Variants in NWD2 observed in about 807,000 individuals in gnomAD.
NWD2 encodes the protein NACHT and WD repeat domain-containing protein 2.
In NWD2, 37 loss-of-function variants were observed where a neutral mutation model predicts 132.7. The ratio of observed to expected loss-of-function variants is 0.28; its 90% CI spans 0.21 to 0.37. NWD2 has a LOEUF of 0.37. NWD2 is among the 10% of genes least tolerant of loss of function. The probability of loss-of-function intolerance (pLI) is 1.00; values close to 1 mark genes in which losing one functional copy is unlikely to be tolerated. For synonymous variants in NWD2, 705 were observed against 803.0 expected, an observed-to-expected ratio of 0.88 and a Z score of 2.06; for missense variants, 1,592 against 2,122.4, an observed-to-expected ratio of 0.75 and a Z score of 4.91.
At chr4:37,371,384 A>G (rs1232187392) in intron 3 of NWD2, among the ~76,000 whole-genome samples, 1 of 152,048 alleles carries the variant, frequency 6.6e-6, no homozygotes, top group Non-Finnish European at 1.5e-5. Flanking sequence ...CCAGAAGTTC[A>G]ATATGTTAAG....
Position 37,444,158 on chromosome 4 carries a change from G to A in NWD2, c.2170G>A (p.Val724Met), listed in dbSNP as rs1414192157. Residue 724 changes from valine (V) to methionine (M), a missense_variant, in exon 7 of 7, where the codon GTG (valine) becomes ATG (methionine). Physicochemically the swap from Val to Met is conservative, Grantham distance 21. This residue lies in a region of NWD2 where 1,071 missense variants were observed against 1,398.0 expected (regional missense o/e 0.77). Coordinates refer to ENST00000309447, the MANE Select transcript of NWD2 (RefSeq NM_001144990.2). The surrounding 1 kb of genome is among the most constrained non-coding windows in gnomAD (Gnocchi z 4.8). ...GLSGYLIERH[V>M]KNVTLLVWAN... ...CAGTGGATACCTAATAGAAAGACAT[G>A]TGAAAAATGTCACACTCCTAGTCTG... 3 of 1,551,608 alleles carry A rather than the reference G, an allele frequency of 1.9e-6. No individual in the cohort carries two copies. The highest frequency in any genetic ancestry group is 2.6e-6 in the Non-Finnish European group (3 of 1,146,994).
At chr4:37,322,322 T>A (rs1327387357) in intron 1 of NWD2, among the ~76,000 whole-genome samples, 1 of 152,162 alleles carries the variant, frequency 6.6e-6, no homozygotes, top group African/African-American at 2.4e-5. Flanking sequence ...CAGTGACTTC[T>A]GTAGATGGAG....
intron 3 of NWD2, among the ~76,000 whole-genome samples, chr4:37,357,838 A>C (rs2109301204): frequency 6.6e-6 from 1 of 152,206 alleles, no homozygotes; most frequent in East Asian, 1.9e-4. Flanking sequence ...AAACAGTCAG[A>C]GGAGGCCTCA....
chr4:37,397,124 A>T (rs184541341), intron 3 of NWD2, among the ~76,000 whole-genome samples: 27 of 152,074 alleles, frequency 1.8e-4, no homozygotes, highest in African/African-American at 4.8e-4. Flanking sequence ...GGAGTTGGTG[A>T]TAGGGATGAG....
At chr4:37,281,692 A>G (rs1718133457) in intron 1 of NWD2, among the ~76,000 whole-genome samples, 1 of 152,196 alleles carries the variant, frequency 6.6e-6, no homozygotes, top group South Asian at 2.1e-4. Context: ...CACCATAAGT[A>G]AGTCGTGGAG....
chr4:37,250,580 TA>T (rs1394414611), intron 1 of NWD2, among the ~76,000 whole-genome samples: 1 of 152,210 alleles, frequency 6.6e-6, no homozygotes, highest in East Asian at 1.9e-4. Context: ...ATGTAGTAAA[TA>T]TTAAATACAT....
intron 3 of NWD2, among the ~76,000 whole-genome samples, chr4:37,366,532 A>G (rs1164276443): frequency 1.3e-5 from 2 of 152,180 alleles, no homozygotes; most frequent in Admixed American, 6.6e-5. Context: ...TAACACAACT[A>G]TTTTATTCAC....
chr4:37,403,781 A>G (rs1391794700), intron 3 of NWD2, among the ~76,000 whole-genome samples: 1 of 152,222 alleles, frequency 6.6e-6, no homozygotes, highest in Non-Finnish European at 1.5e-5. Flanking sequence ...TTTATAGTCT[A>G]TGGCATAAAA....
Position 37,443,876 on chromosome 4 carries a change from G to C in NWD2, c.1888G>C (p.Asp630His), listed in dbSNP as rs1415453688. 1 of 1,552,208 alleles carries C rather than the reference G, an allele frequency of 6.4e-7. No homozygotes were observed. The highest frequency in any genetic ancestry group is 2.0e-5 in the Admixed American group (1 of 50,990). ...GCACTGGAGATCTCACAAAGACGTC[G>C]ATGAATCCTCCCTCTCTGTCACCGT... ...VRHWRSHKDV[D>H]ESSLSVTVHE... Residue 630 changes from aspartate (D) to histidine (H), a missense_variant, in exon 7 of 7, where the codon GAT (aspartate) becomes CAT (histidine). Transcript: ENST00000309447. The surrounding 1 kb of genome is among the most constrained non-coding windows in gnomAD (Gnocchi z 4.1).
intron 1 of NWD2, among the ~76,000 whole-genome samples, chr4:37,308,478 AT>A (rs1332633072): frequency 1.3e-5 from 2 of 152,162 alleles, no homozygotes; most frequent in African/African-American, 4.8e-5. Flanking sequence ...TTGGAGGGGT[AT>A]GCTGGTCAGG....
At chr4:37,342,080 C>T (rs2109295193) in intron 2 of NWD2, among the ~76,000 whole-genome samples, 1 of 152,276 alleles carries the variant, frequency 6.6e-6, no homozygotes, top group East Asian at 1.9e-4. Context: ...GGATGTTTAT[C>T]CCCTCCAAAT....
chr4:37,334,211 A>C (rs1719353494), intron 2 of NWD2, among the ~76,000 whole-genome samples: 1 of 152,220 alleles, frequency 6.6e-6, no homozygotes. Flanking sequence ...AGAACACCAA[A>C]CAGATTTAAC....
At chr4:37,357,166 A>G (rs560922890) in intron 3 of NWD2, among the ~76,000 whole-genome samples, 7 of 152,268 alleles carry the variant, frequency 4.6e-5, no homozygotes, top group African/African-American at 1.7e-4. Context: ...CTTAAGAAAG[A>G]CTTACCTTGA....
At chr4:37,393,193 G>A (rs377643537) in intron 3 of NWD2, among the ~76,000 whole-genome samples, 2 of 3,076 alleles carry the variant, frequency 6.5e-4, no homozygotes, top group Non-Finnish European at 0.013. Flanking sequence ...AACATCCGGG[G>A]GTTGGGGGGA....
intron 1 of NWD2, among the ~76,000 whole-genome samples, chr4:37,276,369 A>T (rs1295490087): frequency 6.6e-6 from 1 of 152,238 alleles, no homozygotes; most frequent in Admixed American, 6.5e-5. Flanking sequence ...CATCAGAGAA[A>T]TGCAAATGAA....
At chr4:37,281,373 T>C (rs952160642) in intron 1 of NWD2, among the ~76,000 whole-genome samples, 5 of 151,882 alleles carry the variant, frequency 3.3e-5, no homozygotes, top group Admixed American at 6.6e-5. Context: ...CTGCTATGTA[T>C]CAGATATTTT....
In NWD2 at chr4:37,263,544, C is replaced by T. The variant is rs529522280; in HGVS notation, c.151+18326C>T. Among the ~76,000 whole-genome samples, 5 of 152,218 alleles carry T rather than the reference C, an allele frequency of 3.3e-5. No homozygotes were observed. The South Asian group carries it at 1.0e-3, about 32-fold the overall frequency. ...TGGTTTCCTCATCTTTGAAATGGGG[C>T]TTATAATAGTGTTAGACTTCTAAGG... On this transcript the variant is annotated intron_variant, in intron 1 of 6. Transcript: ENST00000309447.
intron 3 of NWD2, among the ~76,000 whole-genome samples, chr4:37,357,298 G>A (rs6841655): frequency 0.34 from 52,175 of 151,964 alleles, 10,253 homozygotes; most frequent in Middle Eastern, 0.5. Context: ...ACACCGTACT[G>A]TTAAAAACTA....
chr4:37,291,285 T>C (rs1319769350), intron 1 of NWD2, among the ~76,000 whole-genome samples: 1 of 152,156 alleles, frequency 6.6e-6, no homozygotes, highest in African/African-American at 2.4e-5. Context: ...TAAGGATTGC[T>C]GTGGGACTTA....
Sources: gnomAD v4.1 joint callset for allele counts (sites outside exome capture counted in the v4.1 genomes callset) on GRCh38, gnomAD v4.1.1 for gene constraint, gnomAD v4.1.1 regional missense constraint, Gnocchi (gnomAD v3.1) non-coding constraint, MANE v1.5 for transcripts, NCBI Gene and HGNC (gene_info 2026-07-23, HGNC 2026-07-21) for gene names.